The following POU2AF2 variants were observed in gnomAD, a reference collection of about 807,000 sequenced individuals.
POU2AF2 encodes POU class 2 homeobox associating factor 2.
the POU2AF2 span, among the ~76,000 whole-genome samples, chr11:111,264,573 A>AG: frequency 5.3e-3 from 170 of 31,802 alleles, 22 homozygotes; most frequent in African/African-American, 0.018. Context: ...AGAAAGAAAG[A>AG]AAGGGAGAGA....
chr11:111,258,840 G>A, the POU2AF2 span, among the ~76,000 whole-genome samples: 1 of 152,158 alleles, frequency 6.6e-6, no homozygotes, highest in East Asian at 1.9e-4. Flanking sequence ...AAGAGCAAGT[G>A]TCTAAGCCTC....
chr11:111,252,989 GA>G, the POU2AF2 span, among the ~76,000 whole-genome samples: 1 of 152,286 alleles, frequency 6.6e-6, no homozygotes, highest in East Asian at 1.9e-4. Flanking sequence ...TTGAAAGTAA[GA>G]GATGTTTTTC....
chr11:111,286,053 G>T, the POU2AF2 span: 1 of 1,606,890 alleles, frequency 6.2e-7, no homozygotes, highest in East Asian at 2.2e-5. Flanking sequence ...AGAGCTTATT[G>T]AGGGGAGGGC....
chr11:111,275,075 A>C, the POU2AF2 span, among the ~76,000 whole-genome samples: 40,650 of 152,002 alleles, frequency 0.27, 5,677 homozygotes, highest in Admixed American at 0.34. Context: ...GTGCTTATGA[A>C]TTACTTCTGT....
the POU2AF2 span, chr11:111,246,006 A>C: frequency 1.0e-5 from 4 of 390,956 alleles, no homozygotes; most frequent in Non-Finnish European, 1.8e-5. Context: ...TAAAACACAG[A>C]TCAAGGACTA....
chr11:111,265,351 A>G, the POU2AF2 span, among the ~76,000 whole-genome samples: 1 of 152,114 alleles, frequency 6.6e-6, no homozygotes, highest in Non-Finnish European at 1.5e-5. Flanking sequence ...CTGTCCCTCA[A>G]CTGGCTAACA....
the POU2AF2 span, among the ~76,000 whole-genome samples, chr11:111,272,469 T>C: frequency 3.9e-5 from 6 of 152,312 alleles, no homozygotes; most frequent in South Asian, 8.3e-4. Flanking sequence ...AAATAATGCA[T>C]GTAAATCATC....
At chr11:111,276,453 A>AATATATATATATATATATATAT in the POU2AF2 span, among the ~76,000 whole-genome samples, 1 of 37,690 alleles carries the variant, frequency 2.7e-5, no homozygotes, top group Non-Finnish European at 5.0e-5. Context: ...AAAAAAAAAA[A>AATATATATATATATATATATAT]ATATATATAT....
At chr11:111,278,782 A>G in the POU2AF2 span, among the ~76,000 whole-genome samples, 2 of 152,360 alleles carry the variant, frequency 1.3e-5, no homozygotes, top group East Asian at 1.9e-4. Context: ...GTATGCAAGA[A>G]GTGTTAAACT....
the POU2AF2 span, among the ~76,000 whole-genome samples, chr11:111,247,381 G>A: frequency 6.6e-6 from 1 of 152,130 alleles, no homozygotes; most frequent in South Asian, 2.1e-4. Context: ...AGGTACATTG[G>A]GAGGAGTTTG....
chr11:111,276,442 A>AAAAG, the POU2AF2 span, among the ~76,000 whole-genome samples: 1,146 of 29,748 alleles, frequency 0.039, 8 homozygotes, highest in Non-Finnish European at 0.063. Flanking sequence ...CTAAAAAGAA[A>AAAAG]AAAAAAAAAA....
At chr11:111,271,645 A>G in the POU2AF2 span, among the ~76,000 whole-genome samples, 1 of 152,104 alleles carries the variant, frequency 6.6e-6, no homozygotes, top group African/African-American at 2.4e-5. Context: ...GCTAGTCTCA[A>G]ACTGTTGAGC....
chr11:111,279,878 T>C, the POU2AF2 span, among the ~76,000 whole-genome samples: 4 of 151,074 alleles, frequency 2.6e-5, no homozygotes, highest in Non-Finnish European at 4.4e-5. Context: ...CCATCTCTAC[T>C]AAAAATGCAA....
the POU2AF2 span, among the ~76,000 whole-genome samples, chr11:111,264,571 A>T: frequency 2.6e-5 from 1 of 38,654 alleles, no homozygotes; most frequent in Non-Finnish European, 4.8e-5. Context: ...AAAGAAAGAA[A>T]GAAAGGGAGA....
chr11:111,277,939 GC>G, the POU2AF2 span, among the ~76,000 whole-genome samples: 1 of 152,188 alleles, frequency 6.6e-6, no homozygotes, highest in Non-Finnish European at 1.5e-5. Context: ...GGGAATATGT[GC>G]CCAAATACAA....
At chr11:111,285,831 C>T in the POU2AF2 span, 37 of 1,609,566 alleles carry the variant, frequency 2.3e-5, no homozygotes, top group Non-Finnish European at 3.0e-5. Flanking sequence ...CAGTCATACT[C>T]GCTGCATGCT....
chr11:111,280,066 AT>A, the POU2AF2 span, among the ~76,000 whole-genome samples: 1 of 141,862 alleles, frequency 7.0e-6, no homozygotes, highest in Non-Finnish European at 1.5e-5. Flanking sequence ...AAATATATAT[AT>A]ATATATATAT....
At chr11:111,256,004 G>A in the POU2AF2 span, 3 of 399,072 alleles carry the variant, frequency 7.5e-6, no homozygotes, top group East Asian at 3.6e-5. Flanking sequence ...TACAGCAAAC[G>A]AGTGTATCAA....
chr11:111,270,246 T>C, the POU2AF2 span, among the ~76,000 whole-genome samples: 1 of 152,220 alleles, frequency 6.6e-6, no homozygotes, highest in South Asian at 2.1e-4. Context: ...TACCAAAATT[T>C]GTTAGATAAT....
Sources: gnomAD v4.1 joint callset for allele counts (sites outside exome capture counted in the v4.1 genomes callset) on GRCh38, gnomAD v4.1.1 for gene constraint, MANE v1.5 for transcripts, NCBI Gene and HGNC (gene_info 2026-07-23, HGNC 2026-07-21) for gene names.